Variants in EPC1 observed in about 807,000 individuals in gnomAD.
EPC1 encodes enhancer of polycomb homolog 1.
In EPC1, 12 loss-of-function variants were observed where a neutral mutation model predicts 98.4. The ratio of observed to expected loss-of-function variants is 0.12; its 90% CI spans 0.08 to 0.20. The LOEUF is 0.20. Among genes scored for constraint, EPC1 ranks in the 10% least tolerant of loss-of-function variants. The pLI, the probability that EPC1 is intolerant of heterozygous loss-of-function variation, is 1.00. For missense variants in EPC1, 729 were observed against 990.5 expected, an observed-to-expected ratio of 0.74 and a Z score of 3.54; for synonymous variants, 357 against 363.9, an observed-to-expected ratio of 0.98 and a Z score of 0.21.
intron 1 of EPC1, among the ~76,000 whole-genome samples, chr10:32,365,104 T>G (rs1254455455): frequency 6.6e-6 from 1 of 152,182 alleles, no homozygotes; most frequent in East Asian, 1.9e-4. Context: ...CTTCAATCCC[T>G]GAGTCAGAGA....
Position 32,287,238 on chromosome 10 carries a change from A to G in EPC1, c.1012T>C (p.Tyr338His), listed in dbSNP as rs1271124862. The change falls in exon 7 of 14, where the codon TAT becomes CAT. Residue 338 changes from tyrosine to histidine, a missense_variant. Tyr to His is a moderately conservative substitution (Grantham distance 83, BLOSUM62 2). Transcript: ENST00000319778. ...GGTAAGACTTTGGGCTTCTTTTCAT[A>G]TTTCCGTTTCGGTCGGATAAGATCG... Reference protein sequence around the residue: ...KADLIRPKRKYEKKPKVLPSS... With the variant: ...KADLIRPKRKHEKKPKVLPSS... 3 of 1,613,962 alleles carry G rather than the reference A, an allele frequency of 1.9e-6. No homozygotes were observed. The highest frequency in any genetic ancestry group is 2.5e-6 in the Non-Finnish European group (3 of 1,180,026).
intron 1 of EPC1, among the ~76,000 whole-genome samples, chr10:32,343,530 T>C (rs1426487444): frequency 2.0e-5 from 3 of 152,206 alleles, no homozygotes; most frequent in African/African-American, 7.2e-5. Context: ...CTTTCAGACT[T>C]AGCAAATTTC....
At chr10:32,348,767 A>G (rs995687406), upstream of EPC1, among the ~76,000 whole-genome samples, 21 of 152,230 alleles carry the variant, frequency 1.4e-4, no homozygotes, top group Middle Eastern at 0.014. Context: ...CACAGTGGGG[A>G]GAAGGACCCG....
chr10:32,341,022 C>G (rs1838308239), intron 1 of EPC1, among the ~76,000 whole-genome samples: 2 of 152,154 alleles, frequency 1.3e-5, no homozygotes, highest in Admixed American at 6.5e-5. Flanking sequence ...GTCATACTTT[C>G]ATATCACTTT....
At chr10:32,312,124 G>A (rs1165719324) in intron 1 of EPC1, among the ~76,000 whole-genome samples, 2 of 152,190 alleles carry the variant, frequency 1.3e-5, no homozygotes, top group Non-Finnish European at 2.9e-5. Flanking sequence ...CAGTGAGGCT[G>A]AAGCACAGTG....
chr10:32,336,283 T>G (rs777539159), intron 1 of EPC1, among the ~76,000 whole-genome samples: 21 of 128,298 alleles, frequency 1.6e-4, no homozygotes, highest in African/African-American at 5.8e-4. Context: ...TTGGCCAGGC[T>G]GGTCTCGAAC....
chr10:32,346,479 C>A, intron 1 of EPC1: 1 of 385,254 alleles, frequency 2.6e-6, no homozygotes, highest in South Asian at 3.1e-5. Context: ...TGGCTGCCGG[C>A]AGCTTCGTCA....
intron 1 of EPC1, among the ~76,000 whole-genome samples, chr10:32,344,397 T>C (rs1838607381): frequency 1.3e-5 from 2 of 151,828 alleles, no homozygotes; most frequent in South Asian, 2.1e-4. Context: ...TAAACAGATA[T>C]TTGGAAAAGG....
At chr10:32,295,924 CTTT>C (rs781302480) in intron 2 of EPC1, among the ~76,000 whole-genome samples, 14 of 142,462 alleles carry the variant, frequency 9.8e-5, no homozygotes. Flanking sequence ...TCTCAATGTT[CTTT>C]TTTTTTTTTT....
At chr10:32,376,116 G>A (rs1177472641) in intron 1 of EPC1, among the ~76,000 whole-genome samples, 1 of 151,910 alleles carries the variant, frequency 6.6e-6, no homozygotes, top group African/African-American at 2.4e-5. Flanking sequence ...TATATAAAAT[G>A]TTATCAGTCA....
rs1167560651 is a variant in EPC1, at chr10:32,269,126, A to C, written c.2379T>G (p.His793Gln). 1.2e-6 allele frequency: 2 copies of C among 1,613,756 alleles called. No individual in the cohort carries two copies. Among genetic ancestry groups the C allele is most frequent in the South Asian group, 2.2e-5 (2 of 91,046 alleles). Reference protein sequence around the residue: ...SSVDSVPRENHESEKPALNNI... With the variant: ...SSVDSVPRENQESEKPALNNI... ...TGTTCAGTGCTGGCTTTTCTGATTC[A>C]TGATTTTCCCTGTTGAAATAAAGTT... Residue 793 changes from histidine to glutamine, a missense_variant, in exon 14 of 14, where the codon CAT becomes CAG. His to Gln is a conservative substitution (Grantham distance 24). Coordinates refer to ENST00000319778, the MANE Select transcript of EPC1 (RefSeq NM_001272004.3).
At chr10:32,368,458 T>A (rs1839660897) in intron 1 of EPC1, among the ~76,000 whole-genome samples, 1 of 152,216 alleles carries the variant, frequency 6.6e-6, no homozygotes, top group Non-Finnish European at 1.5e-5. Flanking sequence ...CTTCTCTCAA[T>A]CTTTATCTGC....
chr10:32,372,822 A>C (rs1839788280), intron 1 of EPC1, among the ~76,000 whole-genome samples: 1 of 152,196 alleles, frequency 6.6e-6, no homozygotes, highest in African/African-American at 2.4e-5. Flanking sequence ...GGAGTTCGAG[A>C]CTAGCCTGGC....
chr10:32,372,002 T>C (rs1487056540), intron 1 of EPC1, among the ~76,000 whole-genome samples: 1 of 152,232 alleles, frequency 6.6e-6, no homozygotes, highest in African/African-American at 2.4e-5. Context: ...GAAATATGTA[T>C]ATATTAATTC....
intron 5 of EPC1, 91 bp from the exon 6 acceptor site, chr10:32,291,413 C>A (rs1283624047): frequency 1.7e-5 from 17 of 995,282 alleles, no homozygotes; most frequent in Non-Finnish European, 2.4e-5. Context: ...GAAATAATTA[C>A]CACAATCAAG....
At chr10:32,343,532 G>A (rs1169434051) in intron 1 of EPC1, among the ~76,000 whole-genome samples, 1 of 152,150 alleles carries the variant, frequency 6.6e-6, no homozygotes, top group African/African-American at 2.4e-5. Context: ...TTCAGACTTA[G>A]CAAATTTCGA....
At chr10:32,309,624 G>A (rs988387348) in intron 1 of EPC1, among the ~76,000 whole-genome samples, 1 of 150,830 alleles carries the variant, frequency 6.6e-6, no homozygotes, top group Non-Finnish European at 1.5e-5. Flanking sequence ...GGGAGGCCAA[G>A]GCAGGCGGAT....
chr10:32,316,568 C>G (rs1024945822), intron 1 of EPC1, among the ~76,000 whole-genome samples: 5 of 152,086 alleles, frequency 3.3e-5, no homozygotes, highest in Non-Finnish European at 7.4e-5. Context: ...TAGCTTCGCA[C>G]AAAGTACATC....
At position 32,318,978 on chromosome 10, in the gene EPC1, C is replaced by G. The variant is rs1266337785; in HGVS notation, c.154-13047G>C. Among the ~76,000 whole-genome samples the G allele has an allele frequency of 2.0e-5, 3 of 152,174 alleles. No homozygotes were observed. The East Asian group carries it at 5.8e-4, about 29-fold the overall frequency. ...CTAGCTCTAGCTAATTCCTCCAGTT[C>G]AACACCTGACCACTTTCTCCCCTGA... On this transcript the variant is annotated intron_variant, in intron 1 of 13. Transcript: ENST00000319778.
Sources: allele counts gnomAD v4.1 joint callset (sites outside exome capture counted in the v4.1 genomes callset), GRCh38; gene constraint gnomAD v4.1.1; transcripts MANE v1.5; gene names NCBI Gene and HGNC (gene_info 2026-07-23, HGNC 2026-07-21).